CHODL: variants seen among roughly 807,000 people sequenced by gnomAD.
The protein encoded by CHODL is transmembrane protein MT75.
A neutral mutation model predicts 34.5 loss-of-function variants in CHODL; 29 were observed. The observed-to-expected ratio is 0.84, with a 90% confidence interval of 0.63 to 1.15. The LOEUF is 1.15. Ranked by LOEUF, CHODL falls within the 50% of genes most tolerant of loss-of-function variation. The pLI is 0.00. For missense variants in CHODL, 332 were observed against 332.5 expected, an observed-to-expected ratio of 1.00 and a Z score of 0.01; for synonymous variants, 125 against 116.1, an observed-to-expected ratio of 1.08 and a Z score of -0.49.
intron 2 of CHODL, among the ~76,000 whole-genome samples, chr21:18,112,207 A>T (rs2146563400): frequency 6.6e-6 from 1 of 152,266 alleles, no homozygotes; most frequent in South Asian, 2.1e-4. Context: ...AGTTGTGAAG[A>T]GTCAGTTAAG....
intron 2 of CHODL, among the ~76,000 whole-genome samples, chr21:18,086,220 T>C (rs2065005891): frequency 6.6e-6 from 1 of 152,024 alleles, no homozygotes; most frequent in South Asian, 2.1e-4. Flanking sequence ...CCTAAAGTTA[T>C]CTATCTTCTT....
At chr21:18,053,566 A>G (rs762801153) in intron 2 of CHODL, among the ~76,000 whole-genome samples, 1 of 151,962 alleles carries the variant, frequency 6.6e-6, no homozygotes, top group Non-Finnish European at 1.5e-5. Flanking sequence ...CATTGATTCT[A>G]TCAAACTTTC....
At chr21:18,223,882 GAAT>G (rs564314604) in intron 2 of CHODL, among the ~76,000 whole-genome samples, 4 of 152,256 alleles carry the variant, frequency 2.6e-5, no homozygotes, top group African/African-American at 9.6e-5. Flanking sequence ...AGTCAATTTA[GAAT>G]AATACTTCAG....
chr21:18,244,952 G>GAT lies in CHODL; in HGVS notation c.-271_-270insTA. 1 of 423,826 alleles carries GAT rather than the reference G, an allele frequency of 2.4e-6. No homozygotes were observed. The highest frequency in any genetic ancestry group is 6.1e-4 in the Middle Eastern group (1 of 1,628). 26.3% of individuals were successfully genotyped at this position (423,826 alleles called of 1,614,324 possible). The stretch of plus-strand genomic sequence containing the variant: ...GCCGGGGCTTCTGCTTCGCCTCTAG[G>GAT]ACATACACGGGACCCCCTAACTTCA... On this transcript the variant is annotated 5_prime_UTR_variant, in exon 1 of 6. Coordinates refer to ENST00000299295, the MANE Select transcript of CHODL (RefSeq NM_024944.3).
chr21:18,163,541 G>T (rs1254959618), intron 2 of CHODL, among the ~76,000 whole-genome samples: 2 of 151,988 alleles, frequency 1.3e-5, no homozygotes, highest in African/African-American at 4.8e-5. Context: ...ATTCTAGTAG[G>T]TTCTATACTT....
chr21:18,132,851 T>C (rs971007851), intron 2 of CHODL, among the ~76,000 whole-genome samples: 1 of 152,104 alleles, frequency 6.6e-6, no homozygotes, highest in Non-Finnish European at 1.5e-5. Flanking sequence ...CGTCCAATTA[T>C]GTTTGTAACT....
chr21:18,228,036 G>T (rs970992068), intron 2 of CHODL, among the ~76,000 whole-genome samples: 1 of 152,052 alleles, frequency 6.6e-6, no homozygotes, highest in African/African-American at 2.4e-5. Context: ...GACTGGATGG[G>T]AACCAACCTA....
chr21:18,037,751 G>C (rs985082758), intron 2 of CHODL, among the ~76,000 whole-genome samples: 1 of 151,762 alleles, frequency 6.6e-6, no homozygotes, highest in Non-Finnish European at 1.5e-5. Flanking sequence ...TAGAATGTTT[G>C]ATGGTTTTAG....
chr21:18,088,069 G>A (rs1488486015), intron 2 of CHODL, among the ~76,000 whole-genome samples: 2 of 152,060 alleles, frequency 1.3e-5, no homozygotes, highest in Non-Finnish European at 2.9e-5. Context: ...ACAGTAAGGG[G>A]TATGTTCACC....
At chr21:17,973,306 T>C (rs1302361117) in intron 1 of CHODL, among the ~76,000 whole-genome samples, 1 of 151,772 alleles carries the variant, frequency 6.6e-6, no homozygotes, top group African/African-American at 2.4e-5. Context: ...CTAATTAAAC[T>C]AAAGAGCTCC....
intron 2 of CHODL, among the ~76,000 whole-genome samples, chr21:18,186,635 T>A (rs555591007): frequency 6.6e-6 from 1 of 152,300 alleles, no homozygotes; most frequent in East Asian, 1.9e-4. Flanking sequence ...GGTTACCTTG[T>A]AGTTTTAAAG....
At chr21:18,228,144 A>G (rs1419675299) in intron 2 of CHODL, among the ~76,000 whole-genome samples, 4 of 152,126 alleles carry the variant, frequency 2.6e-5, no homozygotes, top group Non-Finnish European at 4.4e-5. Context: ...TACTGCATCA[A>G]TATTTCACAC....
intron 2 of CHODL, among the ~76,000 whole-genome samples, chr21:18,092,263 C>T (rs2065082971): frequency 6.6e-6 from 1 of 152,176 alleles, no homozygotes; most frequent in Non-Finnish European, 1.5e-5. Flanking sequence ...GCAAGACCAC[C>T]AAGGTGGTAC....
At chr21:18,225,286 A>G (rs1353549385) in intron 2 of CHODL, among the ~76,000 whole-genome samples, 2 of 152,180 alleles carry the variant, frequency 1.3e-5, no homozygotes, top group Non-Finnish European at 2.9e-5. Context: ...AAATGTAACC[A>G]TTCTCAAAAA....
At chr21:18,120,863 TCA>T (rs2065471002) in intron 2 of CHODL, among the ~76,000 whole-genome samples, 1 of 152,122 alleles carries the variant, frequency 6.6e-6, no homozygotes, top group Admixed American at 6.6e-5. Flanking sequence ...CCATGTGTAC[TCA>T]CATCCCAATA....
intron 2 of CHODL, among the ~76,000 whole-genome samples, chr21:18,094,575 G>A (rs2065114923): frequency 6.6e-6 from 1 of 151,994 alleles, no homozygotes; most frequent in African/African-American, 2.4e-5. Flanking sequence ...GAAAACACAT[G>A]AAAATTAAAC....
intron 2 of CHODL, among the ~76,000 whole-genome samples, chr21:18,109,336 A>G (rs918917948): frequency 6.6e-6 from 1 of 152,102 alleles, no homozygotes; most frequent in Non-Finnish European, 1.5e-5. Flanking sequence ...GAGAATGAGA[A>G]TATATGATGT....
intron 2 of CHODL, among the ~76,000 whole-genome samples, chr21:18,117,956 C>G (rs1568895220): frequency 6.6e-6 from 1 of 152,020 alleles, no homozygotes; most frequent in Non-Finnish European, 1.5e-5. Context: ...TCTAAAGAAA[C>G]AGAAACCTGA....
At chr21:18,169,025 A>C (rs1362572445) in intron 2 of CHODL, among the ~76,000 whole-genome samples, 1 of 152,058 alleles carries the variant, frequency 6.6e-6, no homozygotes, top group Non-Finnish European at 1.5e-5. Flanking sequence ...TTCTGGTAAT[A>C]CAGGCCTTAG....
Sources: allele counts gnomAD v4.1 joint callset (sites outside exome capture counted in the v4.1 genomes callset), GRCh38; gene constraint gnomAD v4.1.1; transcripts MANE v1.5; gene names NCBI Gene and HGNC (gene_info 2026-07-23, HGNC 2026-07-21).